Variants in SAMD5 observed in about 807,000 individuals in gnomAD.
SAMD5 encodes sterile alpha motif domain containing 5, also known as sterile alpha motif domain-containing protein 5.
In SAMD5, 13 loss-of-function variants were observed where a neutral mutation model predicts 11.3. The observed-to-expected ratio is 1.15, with a 90% CI of 0.75 to 1.83. The LOEUF (loss-of-function observed/expected upper bound fraction) is 1.83, where lower values mean the gene tolerates loss of function less well. Ranked by LOEUF, SAMD5 falls within the 40% of genes most tolerant of loss-of-function variation. The pLI, the probability that SAMD5 is intolerant of heterozygous loss-of-function variation, is 0.00. For missense variants in SAMD5, 255 were observed against 239.1 expected (o/e 1.07, Z -0.44); for synonymous variants, 129 against 111.3 (o/e 1.16, Z -1.00).
chr6:147,746,410 C>T, the SAMD5 span, among the ~76,000 whole-genome samples: 1 of 152,140 alleles, frequency 6.6e-6, no homozygotes. Flanking sequence ...GTGTTGATTG[C>T]ACACACTCAT....
chr6:147,730,074 C>CAAAAAAAAATAAA, intron 1 of SAMD5: 1 of 305,112 alleles, frequency 3.3e-6, no homozygotes. Context: ...GACTCTGTCT[C>CAAAAAAAAATAAA]AAAAAAAAAA....
At position 147,735,301 on chromosome 6, in the gene SAMD5, T is replaced by C. The variant is rs118094664; in HGVS notation, c.163-2016T>C. On this transcript the variant is annotated intron_variant, in intron 1 of 1. Transcript: ENST00000566741. ...ATTTAGTTGTCAAAGACAGCTATTATAATGGCATAGGATGTTAGAAGAGGG... is the reference window on the plus strand; with the variant it reads ...ATTTAGTTGTCAAAGACAGCTATTACAATGGCATAGGATGTTAGAAGAGGG... 4.8e-3 allele frequency among the ~76,000 whole-genome samples: 731 copies of C among 152,350 alleles called. 16 individuals carry two copies. In the East Asian group the frequency reaches 0.073, roughly 15 times the overall value.
At chr6:147,886,354 A>G in the SAMD5 span, among the ~76,000 whole-genome samples, 6 of 152,188 alleles carry the variant, frequency 3.9e-5, no homozygotes, top group African/African-American at 1.2e-4. Context: ...ATACAAAGAA[A>G]ACTTGATAAA....
At chr6:147,879,385 C>T in the SAMD5 span, among the ~76,000 whole-genome samples, 35 of 152,306 alleles carry the variant, frequency 2.3e-4, no homozygotes, top group African/African-American at 7.0e-4. Context: ...ATAGCTGCAA[C>T]TCTGTCACCT....
chr6:147,934,733 C>T, the SAMD5 span, among the ~76,000 whole-genome samples: 1 of 152,004 alleles, frequency 6.6e-6, no homozygotes, highest in Admixed American at 6.6e-5. Context: ...AGGCATTATC[C>T]CTCAGGCTCT....
At chr6:147,530,406 C>G (rs139633444) in intron 1 of SAMD5, among the ~76,000 whole-genome samples, 2 of 152,344 alleles carry the variant, frequency 1.3e-5, no homozygotes, top group East Asian at 3.9e-4. Flanking sequence ...GCGGCAGGTG[C>G]GGATGGCTTT....
At chr6:147,777,630 CTTT>C in the SAMD5 span, among the ~76,000 whole-genome samples, 1 of 152,284 alleles carries the variant, frequency 6.6e-6, no homozygotes, top group Non-Finnish European at 1.5e-5. Context: ...ACTTTCAAAA[CTTT>C]TTATCACCTA....
intron 1 of SAMD5, among the ~76,000 whole-genome samples, chr6:147,663,548 G>A (rs1010582524): frequency 2.0e-5 from 3 of 151,982 alleles, no homozygotes; most frequent in Non-Finnish European, 2.9e-5. Flanking sequence ...TTGGGAGGCC[G>A]AGGAGGTGGG....
chr6:147,511,426 G>T (rs1222862088), intron 1 of SAMD5, among the ~76,000 whole-genome samples: 1 of 152,208 alleles, frequency 6.6e-6, no homozygotes, highest in Non-Finnish European at 1.5e-5. Flanking sequence ...AAGTTGCACT[G>T]CAATACTATT....
the SAMD5 span, among the ~76,000 whole-genome samples, chr6:147,834,476 A>T: frequency 5.3e-5 from 8 of 152,242 alleles, no homozygotes; most frequent in Non-Finnish European, 8.8e-5. Flanking sequence ...GCTTAAAAGC[A>T]CCGGAGTGAT....
In SAMD5 at chr6:147,529,500, C is replaced by T. The variant is rs79897031; in HGVS notation, c.459+20113C>T. On this transcript the variant is annotated intron_variant, in intron 1 of 1. Coordinates refer to ENST00000367474, the MANE Select transcript of SAMD5 (RefSeq NM_001030060.3). ...CTTTAATTGTCTTATAATGTATACA[C>T]GCAGATGAACTATTCCTTTGTGTTG... Among the ~76,000 whole-genome samples the T allele has an allele frequency of 9.8e-3, 1,490 of 152,204 alleles. 16 individuals carry two copies. The highest frequency in any genetic ancestry group is 0.031 in the South Asian group (151 of 4,824).
At chr6:147,558,630 C>T (rs1788895431) in intron 1 of SAMD5, among the ~76,000 whole-genome samples, 1 of 152,082 alleles carries the variant, frequency 6.6e-6, no homozygotes, top group African/African-American at 2.4e-5. Flanking sequence ...TGCCCTTGCC[C>T]CTCTCATGGG....
chr6:147,827,799 T>A, the SAMD5 span, among the ~76,000 whole-genome samples: 16 of 152,124 alleles, frequency 1.1e-4, no homozygotes, highest in Non-Finnish European at 2.2e-4. Context: ...ATGACATTTT[T>A]TTTTTTTTGA....
At position 147,652,251 on chromosome 6, in the gene SAMD5, A is replaced by T. The variant is rs1202147166; in HGVS notation, c.163-85066A>T. Among the ~76,000 whole-genome samples the T allele has an allele frequency of 4.6e-5, 7 of 151,098 alleles. No individual in the cohort carries two copies. The East Asian group carries it at 1.4e-3, about 30-fold the overall frequency. ...CTTGGTTTCATCAGAGGTTCCAAAT[A>T]TTGCCTCTGGTTTAATAGCTGAAGG... On this transcript the variant is annotated intron_variant, in intron 1 of 1. Coordinates refer to the SAMD5 transcript ENST00000566741.
At chr6:147,845,673 A>G in the SAMD5 span, among the ~76,000 whole-genome samples, 4 of 152,220 alleles carry the variant, frequency 2.6e-5, no homozygotes, top group African/African-American at 9.6e-5. Flanking sequence ...AATTAAAATT[A>G]CAATGAGATT....
intron 1 of SAMD5, among the ~76,000 whole-genome samples, chr6:147,544,777 C>T (rs771621602): frequency 7.2e-5 from 11 of 151,954 alleles, no homozygotes; most frequent in Non-Finnish European, 1.3e-4. Context: ...AAATCCTGAG[C>T]GAATAAGAAA....
At chr6:147,550,179 G>A (rs1788747499) in intron 1 of SAMD5, among the ~76,000 whole-genome samples, 1 of 152,032 alleles carries the variant, frequency 6.6e-6, no homozygotes, top group Admixed American at 6.6e-5. Flanking sequence ...GGAGTTTGAG[G>A]TTACAGTGAG....
intron 1 of SAMD5, among the ~76,000 whole-genome samples, chr6:147,655,000 G>A (rs951097477): frequency 3.9e-5 from 6 of 152,110 alleles, no homozygotes; most frequent in Non-Finnish European, 8.8e-5. Flanking sequence ...CACCACATGT[G>A]TGTTTAGTTA....
At chr6:147,582,202 T>A (rs1789308477) in intron 1 of SAMD5, among the ~76,000 whole-genome samples, 1 of 151,862 alleles carries the variant, frequency 6.6e-6, no homozygotes, top group South Asian at 2.1e-4. Flanking sequence ...CTACTAAAAA[T>A]ACAAAAATTA....
Sources: allele counts gnomAD v4.1 joint callset (sites outside exome capture counted in the v4.1 genomes callset), GRCh38; gene constraint gnomAD v4.1.1; transcripts MANE v1.5; gene names NCBI Gene and HGNC (gene_info 2026-07-23, HGNC 2026-07-21).